The following GALNT13 variants were observed in gnomAD, a reference collection of about 807,000 sequenced individuals.
The protein encoded by GALNT13 is UDP-GalNAc:polypeptide N-acetylgalactosaminyltransferase 13.
A neutral mutation model predicts 64.2 loss-of-function variants in GALNT13; 28 were observed. That is an observed-to-expected ratio of 0.44 (90% confidence interval 0.32 to 0.60). GALNT13 has a LOEUF of 0.60. GALNT13 is among the 20% of genes least tolerant of loss of function. The probability of loss-of-function intolerance (pLI) is 0.05; values close to 1 mark genes in which losing one functional copy is unlikely to be tolerated. For missense variants in GALNT13, 577 were observed against 669.8 expected, an observed-to-expected ratio of 0.86 and a Z score of 1.53; for synonymous variants, 214 against 224.6, an observed-to-expected ratio of 0.95 and a Z score of 0.42.
the GALNT13 span, among the ~76,000 whole-genome samples, chr2:153,635,444 A>G: frequency 6.8e-6 from 1 of 148,092 alleles, no homozygotes; most frequent in Non-Finnish European, 1.5e-5. Flanking sequence ...ATATATACAC[A>G]CATATATATG....
the GALNT13 span, among the ~76,000 whole-genome samples, chr2:153,114,946 A>T: frequency 1.3e-5 from 2 of 152,136 alleles, no homozygotes; most frequent in Non-Finnish European, 2.9e-5. Context: ...AAACCATGTG[A>T]CTTTGGGCAA....
the GALNT13 span, among the ~76,000 whole-genome samples, chr2:153,755,510 G>C: frequency 6.6e-6 from 1 of 151,900 alleles, no homozygotes; most frequent in Non-Finnish European, 1.5e-5. Flanking sequence ...GTGATGTTGA[G>C]CATTTTTTAA....
the GALNT13 span, among the ~76,000 whole-genome samples, chr2:153,826,901 G>A: frequency 2.0e-5 from 3 of 152,038 alleles, no homozygotes; most frequent in African/African-American, 4.8e-5. Flanking sequence ...GGAGGAGAAA[G>A]TTGCTGATGC....
At chr2:153,837,688 A>T in the GALNT13 span, among the ~76,000 whole-genome samples, 1 of 152,036 alleles carries the variant, frequency 6.6e-6, no homozygotes, top group Admixed American at 6.6e-5. Flanking sequence ...ATTGAGGTTG[A>T]TTCTACATCT....
the GALNT13 span, among the ~76,000 whole-genome samples, chr2:153,573,707 CA>C: frequency 6.6e-5 from 10 of 152,042 alleles, no homozygotes; most frequent in East Asian, 1.9e-3. Context: ...AACAAACAAG[CA>C]AAAAGAGAAC....
intron 4 of GALNT13, chr2:154,236,048 AAT>A: frequency 8.0e-7 from 1 of 1,247,782 alleles, no homozygotes; most frequent in Non-Finnish European, 1.1e-6. Context: ...ATCAACAGCT[AAT>A]AGACCATGAG....
intron 3 of GALNT13, among the ~76,000 whole-genome samples, chr2:154,089,372 T>A (rs1237278211): frequency 1.3e-5 from 2 of 152,110 alleles, no homozygotes; most frequent in African/African-American, 4.8e-5. Context: ...CATGAAACTT[T>A]TGCCCTTTGA....
At chr2:153,717,323 A>AT in the GALNT13 span, among the ~76,000 whole-genome samples, 1 of 152,094 alleles carries the variant, frequency 6.6e-6, no homozygotes, top group Admixed American at 6.6e-5. Flanking sequence ...CCACTTTAGT[A>AT]TTTTTTTAGA....
intron 4 of GALNT13, among the ~76,000 whole-genome samples, chr2:154,231,996 T>C (rs1315302790): frequency 6.6e-6 from 1 of 151,756 alleles, no homozygotes; most frequent in Non-Finnish European, 1.5e-5. Flanking sequence ...GTAGATATTA[T>C]TATTCCCATT....
At position 154,385,090 on chromosome 2, in the gene GALNT13, T is replaced by C. The variant is rs552006620; in HGVS notation, c.1157-10901T>C. The stretch of plus-strand genomic sequence containing the variant: ...CATTGATTATAAAACATAGCACTAT[T>C]TCAGAAAGGTTCAAATAAGATAGTA... On this transcript the variant is annotated intron_variant, in intron 9 of 12. Transcript: ENST00000392825. Among the ~76,000 whole-genome samples, 3 of 152,022 alleles carry C rather than the reference T, an allele frequency of 2.0e-5. No homozygotes were observed. The East Asian group carries it at 5.8e-4, about 29-fold the overall frequency.
rs903183906 is a variant in GALNT13, at chr2:154,076,762, C to T, written c.143-63575C>T. On this transcript the variant is annotated intron_variant, in intron 3 of 12. Transcript: ENST00000392825. Reference sequence around the variant, plus strand: ...AAATCTTGAGGCAAATTTTATAAAACATTATACTATTGGGTAGTAATTAAG... The same window carrying T: ...AAATCTTGAGGCAAATTTTATAAAATATTATACTATTGGGTAGTAATTAAG... 7.3e-5 allele frequency among the ~76,000 whole-genome samples: 11 copies of T among 151,678 alleles called. 2 individuals are homozygous for T. The highest frequency in any genetic ancestry group is 3.4e-3 in the Middle Eastern group (1 of 294).
chr2:153,766,887 A>G, the GALNT13 span, among the ~76,000 whole-genome samples: 1 of 152,130 alleles, frequency 6.6e-6, no homozygotes, highest in East Asian at 1.9e-4. Flanking sequence ...AGGGTCCATT[A>G]TCGGAGTTTT....
chr2:153,534,919 G>A, the GALNT13 span, among the ~76,000 whole-genome samples: 239 of 152,240 alleles, frequency 1.6e-3, no homozygotes, highest in African/African-American at 5.1e-3. Context: ...CAGGGGATGC[G>A]ATGGCTTGGC....
intron 9 of GALNT13, among the ~76,000 whole-genome samples, chr2:154,359,349 T>G (rs1696932530): frequency 1.3e-5 from 2 of 152,004 alleles, no homozygotes; most frequent in Admixed American, 1.3e-4. Flanking sequence ...AAGAGAAATC[T>G]AAAGTGAAGT....
the GALNT13 span, among the ~76,000 whole-genome samples, chr2:153,759,250 C>A: frequency 8.5e-5 from 13 of 152,124 alleles, no homozygotes; most frequent in South Asian, 2.5e-3. Flanking sequence ...CAAACATGAA[C>A]AATTTTCTTA....
intron 4 of GALNT13, among the ~76,000 whole-genome samples, chr2:154,231,807 A>C (rs13012308): frequency 6.7e-6 from 1 of 149,680 alleles, no homozygotes. Flanking sequence ...GCACCAACCT[A>C]ATATCTAACC....
the GALNT13 span, among the ~76,000 whole-genome samples, chr2:153,718,073 G>T: frequency 6.6e-6 from 1 of 151,138 alleles, no homozygotes; most frequent in East Asian, 1.9e-4. Context: ...TTAATTTAAC[G>T]ATGTCAAAAA....
chr2:153,199,352 T>C, the GALNT13 span, among the ~76,000 whole-genome samples: 1 of 152,214 alleles, frequency 6.6e-6, no homozygotes, highest in African/African-American at 2.4e-5. Context: ...TTGTGGGCTA[T>C]GCATTATCCC....
chr2:153,607,093 A>C, the GALNT13 span, among the ~76,000 whole-genome samples: 2 of 151,862 alleles, frequency 1.3e-5, no homozygotes, highest in Non-Finnish European at 2.9e-5. Flanking sequence ...CAGTTATTGA[A>C]GTTGTTTGTC....
Sources: allele counts gnomAD v4.1 joint callset (sites outside exome capture counted in the v4.1 genomes callset), GRCh38; gene constraint gnomAD v4.1.1; transcripts MANE v1.5; gene names NCBI Gene and HGNC (gene_info 2026-07-23, HGNC 2026-07-21).